Variants in MICAL2 observed in about 807,000 individuals in gnomAD.
MICAL2 encodes the protein microtubule associated monooxygenase, calponin and LIM domain containing 2.
Under a neutral mutation model 127.3 loss-of-function variants are expected in MICAL2, and 77 were observed. The ratio of observed to expected loss-of-function variants is 0.60; its 90% CI spans 0.50 to 0.73. The LOEUF is 0.73. MICAL2 is among the 30% of genes least tolerant of loss of function. The pLI, the probability that MICAL2 is intolerant of heterozygous loss-of-function variation, is 0.00. For synonymous variants in MICAL2, 570 were observed against 551.1 expected, an observed-to-expected ratio of 1.03 and a Z score of -0.48; for missense variants, 1,351 against 1,434.4, an observed-to-expected ratio of 0.94 and a Z score of 0.94.
intron 6 of MICAL2, among the ~76,000 whole-genome samples, chr11:12,212,280 G>A (rs937499132): frequency 2.6e-5 from 4 of 151,998 alleles, no homozygotes; most frequent in Non-Finnish European, 5.9e-5. Context: ...ACTAAGCCTG[G>A]GCAACATGAT....
At chr11:12,333,127 A>G (rs908886606) in intron 32 of MICAL2, among the ~76,000 whole-genome samples, 4 of 152,234 alleles carry the variant, frequency 2.6e-5, no homozygotes, top group Non-Finnish European at 4.4e-5. Flanking sequence ...GACAGAAGAC[A>G]GAAATAAAGA....
downstream of MICAL2, chr11:12,294,809 C>A: frequency 6.7e-7 from 1 of 1,482,528 alleles, no homozygotes; most frequent in Non-Finnish European, 8.9e-7. Context: ...TCCTCCTCCT[C>A]CTCCTCCTCC....
intron 2 of MICAL2, among the ~76,000 whole-genome samples, chr11:12,143,568 A>G (rs1003782274): frequency 1.3e-5 from 2 of 152,162 alleles, no homozygotes; most frequent in Admixed American, 6.5e-5. Flanking sequence ...TCACACACCA[A>G]TGGAAGTGAT....
chr11:12,241,397 C>T lies in MICAL2; in HGVS notation c.2337+235C>T, dbSNP rs78181930. The stretch of plus-strand genomic sequence containing the variant: ...ATCAATTGACCAAATACCATGCTCT[C>T]GATGGTGCTGCTAGGGAAAAATAAA... On this transcript the variant is annotated intron_variant, in intron 18 of 27. Coordinates refer to ENST00000683283, the MANE Select transcript of MICAL2 (RefSeq NM_001282663.2). Among the ~76,000 whole-genome samples, 68 of 152,288 alleles carry T rather than the reference C, an allele frequency of 4.5e-4. 1 individual carries two copies. In the East Asian group the frequency reaches 9.4e-3, roughly 21 times the overall value.
At chr11:12,203,785 C>A (rs554093035) in intron 3 of MICAL2, among the ~76,000 whole-genome samples, 2 of 152,184 alleles carry the variant, frequency 1.3e-5, no homozygotes, top group South Asian at 2.1e-4. Flanking sequence ...TTAATTTTTT[C>A]TTTAGTTGTT....
chr11:12,358,503 G>A, downstream of MICAL2: 1 of 1,608,778 alleles, frequency 6.2e-7, no homozygotes, highest in South Asian at 1.1e-5. Context: ...CCCTCTCCCT[G>A]GCTGCACGTT....
chr11:12,320,271 A>G lies in MICAL2; in HGVS notation c.5328+460A>G, dbSNP rs184454701. Reference sequence around the variant, plus strand: ...GTTGCATCTAGACATGGATACTCCAAAGATCTCTGCTGTGGAAGGGACAAG... The same window carrying G: ...GTTGCATCTAGACATGGATACTCCAGAGATCTCTGCTGTGGAAGGGACAAG... On this transcript the variant is annotated intron_variant, in intron 30 of 34. Transcript: ENST00000646065. 3.9e-3 allele frequency among the ~76,000 whole-genome samples: 592 copies of G among 152,346 alleles called. 4 individuals are homozygous for G. The highest frequency in any genetic ancestry group is 5.5e-3 in the Non-Finnish European group (377 of 68,038).
intron 21 of MICAL2, among the ~76,000 whole-genome samples, chr11:12,246,207 A>G (rs1860720572): frequency 6.6e-6 from 1 of 152,242 alleles, no homozygotes; most frequent in African/African-American, 2.4e-5. Context: ...GCTGCTGGGT[A>G]AGACAGAGAT....
At chr11:12,345,186 A>G (rs1488221560) in intron 32 of MICAL2, among the ~76,000 whole-genome samples, 1 of 152,184 alleles carries the variant, frequency 6.6e-6, no homozygotes, top group African/African-American at 2.4e-5. Context: ...TGAGATTACT[A>G]GAAACCACTC....
At chr11:12,230,584 G>A (rs1048538336) in intron 15 of MICAL2, among the ~76,000 whole-genome samples, 1 of 152,154 alleles carries the variant, frequency 6.6e-6, no homozygotes, top group African/African-American at 2.4e-5. Context: ...ATTGATATGG[G>A]AATTGAGCTG....
intron 3 of MICAL2, among the ~76,000 whole-genome samples, chr11:12,192,765 G>A (rs1346080319): frequency 6.6e-6 from 1 of 152,108 alleles, no homozygotes; most frequent in East Asian, 1.9e-4. Flanking sequence ...GTGACAGAGT[G>A]AGACTCAGTC....
intron 32 of MICAL2, among the ~76,000 whole-genome samples, chr11:12,345,729 T>A (rs1938943690): frequency 6.6e-6 from 1 of 152,316 alleles, no homozygotes; most frequent in East Asian, 1.9e-4. Context: ...CATTTACTGG[T>A]AAATAAGAGC....
At chr11:12,353,456 A>G (rs1939084732) in intron 33 of MICAL2, among the ~76,000 whole-genome samples, 1 of 151,870 alleles carries the variant, frequency 6.6e-6, no homozygotes, top group Non-Finnish European at 1.5e-5. Context: ...TTCTGTCTTC[A>G]AACTGTTTCT....
chr11:12,283,343 T>TAAAAAAAAAAAAAAAAA (rs56832587), intron 2 of MICAL2, among the ~76,000 whole-genome samples: 1 of 132,586 alleles, frequency 7.5e-6, no homozygotes, highest in African/African-American at 2.7e-5. Flanking sequence ...GTGTGGAGTT[T>TAAAAAAAAAAAAAAAAA]AAAAAAAAAA....
chr11:12,307,029 C>T (rs889013838), intron 29 of MICAL2, among the ~76,000 whole-genome samples: 23 of 152,198 alleles, frequency 1.5e-4, no homozygotes, highest in Non-Finnish European at 2.9e-4. Context: ...TATTTTTAAA[C>T]TTGTCAAATT....
chr11:12,173,667 G>A (rs1371138565), intron 3 of MICAL2, among the ~76,000 whole-genome samples: 3 of 152,114 alleles, frequency 2.0e-5, no homozygotes, highest in African/African-American at 7.2e-5. Flanking sequence ...ACTCCAAATA[G>A]AAACTTTGTG....
chr11:12,295,740 T>A (rs2134793779), downstream of MICAL2, among the ~76,000 whole-genome samples: 1 of 152,246 alleles, frequency 6.6e-6, no homozygotes, highest in East Asian at 1.9e-4. Context: ...ATCATAGATA[T>A]TATGCCAATT....
chr11:12,335,095 C>T (rs1175828894), intron 32 of MICAL2, among the ~76,000 whole-genome samples: 2 of 150,060 alleles, frequency 1.3e-5, no homozygotes, highest in African/African-American at 5.0e-5. Flanking sequence ...CCTATTTCTC[C>T]ACATCCTCTC....
intron 1 of MICAL2, among the ~76,000 whole-genome samples, chr11:12,134,882 A>C (rs951975851): frequency 6.6e-6 from 1 of 152,248 alleles, no homozygotes; most frequent in Non-Finnish European, 1.5e-5. Flanking sequence ...AGGCTCAAAG[A>C]TTCAAAAGAG....
Sources: gnomAD v4.1 joint callset for allele counts (sites outside exome capture counted in the v4.1 genomes callset) on GRCh38, gnomAD v4.1.1 for gene constraint, MANE v1.5 for transcripts, NCBI Gene and HGNC (gene_info 2026-07-23, HGNC 2026-07-21) for gene names.